Variants in RASGRF2 observed in about 807,000 individuals in gnomAD.
RASGRF2 encodes the protein ras-specific guanine nucleotide-releasing factor 2.
RASGRF2 carries 76 observed loss-of-function variants against 151.0 expected under a neutral mutation model. That is an observed-to-expected ratio of 0.50 (90% CI 0.42 to 0.61). The LOEUF (loss-of-function observed/expected upper bound fraction) is 0.61. Ranked by LOEUF, RASGRF2 falls within the 20% of genes least tolerant of loss-of-function variation. The pLI, the probability that RASGRF2 is intolerant of heterozygous loss-of-function variation, is 0.00. For missense variants in RASGRF2, 1,148 were observed against 1,564.6 expected, an observed-to-expected ratio of 0.73 and a Z score of 4.49; for synonymous variants, 504 against 566.5, an observed-to-expected ratio of 0.89 and a Z score of 1.57.
chr5:81,087,256 C>A (rs1752263366), intron 9 of RASGRF2: 2 of 703,078 alleles, frequency 2.8e-6, no homozygotes, highest in East Asian at 5.4e-5. Flanking sequence ...GTCGGCCTGG[C>A]CCACGGCCGT....
At chr5:81,147,455 A>G (rs999390291) in intron 17 of RASGRF2, among the ~76,000 whole-genome samples, 1 of 152,236 alleles carries the variant, frequency 6.6e-6, no homozygotes, top group Admixed American at 6.5e-5. Flanking sequence ...ATGCATCATA[A>G]TGAGAAGTGA....
chr5:81,216,348 TACACAC>T (rs10648156), intron 24 of RASGRF2, among the ~76,000 whole-genome samples: 4 of 147,524 alleles, frequency 2.7e-5, no homozygotes, highest in African/African-American at 7.6e-5. Context: ...ATTCCCTTTC[TACACAC>T]ACACACACAC....
chr5:81,028,587 AGGTAGCT>A (rs1463201422), intron 1 of RASGRF2, among the ~76,000 whole-genome samples: 1 of 152,242 alleles, frequency 6.6e-6, no homozygotes, highest in East Asian at 1.9e-4. Context: ...AAACAAAAAC[AGGTAGCT>A]GTGAATCAAG....
chr5:81,080,174 T>C lies in RASGRF2; in HGVS notation c.941T>C (p.Ile314Thr). ...EIFHQGLKAR[I>T]ANWPTLILAD... The stretch of plus-strand genomic sequence containing the variant: ...TTTCATCAAGGACTAAAGGCAAGGA[T>C]AGCAAACTGGCCCACTTTAATTTTA... Residue 314 changes from isoleucine to threonine, a missense_variant, in exon 6 of 27, where the codon ATA (isoleucine) becomes ACA (threonine). Ile to Thr is a moderately conservative substitution (Grantham distance 89). Around this residue, in one of 5 missense-constraint regions of RASGRF2, gnomAD observed 176 missense variants for 309.6 expected, o/e 0.57. Transcript: ENST00000265080. 6.3e-7 allele frequency: 1 copy of C among 1,599,616 alleles called. No homozygotes were observed. Among genetic ancestry groups the C allele is most frequent in the Non-Finnish European group, 8.5e-7 (1 of 1,177,018 alleles).
At chr5:81,020,169 A>T (rs546899049) in intron 1 of RASGRF2, among the ~76,000 whole-genome samples, 1 of 152,148 alleles carries the variant, frequency 6.6e-6, no homozygotes, top group Non-Finnish European at 1.5e-5. Context: ...TCTTTCTGGC[A>T]TGTTATGGTT....
chr5:81,008,227 T>C (rs1749341083), intron 1 of RASGRF2, among the ~76,000 whole-genome samples: 1 of 140,130 alleles, frequency 7.1e-6, no homozygotes, highest in Non-Finnish European at 1.5e-5. Context: ...CTCGGCTCAC[T>C]GCAACCTCCT....
chr5:81,197,408 A>G (rs1044978751), intron 18 of RASGRF2, among the ~76,000 whole-genome samples: 21 of 122,064 alleles, frequency 1.7e-4, no homozygotes, highest in African/African-American at 6.2e-4. Context: ...GTGAGCCGAG[A>G]TTGCGCCACT....
intron 1 of RASGRF2, among the ~76,000 whole-genome samples, chr5:81,004,014 T>C (rs531883637): frequency 4.1e-4 from 62 of 152,318 alleles, no homozygotes; most frequent in African/African-American, 1.4e-3. Flanking sequence ...TGCTAGTCAG[T>C]TGCACATGGT....
intron 15 of RASGRF2, among the ~76,000 whole-genome samples, chr5:81,114,647 T>C (rs10058312): frequency 0.066 from 10,064 of 152,272 alleles, 666 homozygotes; most frequent in African/African-American, 0.17. Context: ...CAGCCCCTGC[T>C]CCTGCCACGC....
intron 2 of RASGRF2, among the ~76,000 whole-genome samples, chr5:81,053,080 C>A (rs1405973477): frequency 6.6e-6 from 1 of 151,934 alleles, no homozygotes; most frequent in African/African-American, 2.4e-5. Context: ...GTGTTAAATT[C>A]TTCCTTTAAT....
chr5:81,118,074 A>G (rs1753207729), intron 15 of RASGRF2, among the ~76,000 whole-genome samples: 1 of 152,192 alleles, frequency 6.6e-6, no homozygotes, highest in East Asian at 1.9e-4. Flanking sequence ...TCTTGTCTGC[A>G]GCTCTCTCAG....
intron 15 of RASGRF2, 142 bp downstream of exon 15, chr5:81,114,062 TAGA>T: frequency 8.6e-7 from 1 of 1,157,792 alleles, no homozygotes; most frequent in Non-Finnish European, 1.2e-6. Context: ...AATGGTTAGT[TAGA>T]AGAGAAAATT....
intron 12 of RASGRF2, among the ~76,000 whole-genome samples, chr5:81,100,806 A>T (rs1317868835): frequency 6.6e-6 from 1 of 152,228 alleles, no homozygotes. Context: ...GTTTTTCGGA[A>T]ATCAAGAGGG....
intron 17 of RASGRF2, among the ~76,000 whole-genome samples, chr5:81,132,708 A>AT (rs1396295741): frequency 6.6e-6 from 1 of 152,204 alleles, no homozygotes; most frequent in Non-Finnish European, 1.5e-5. Context: ...ACTGTGTGAT[A>AT]TTAACAAGAA....
chr5:80,997,413 C>T (rs894911412), intron 1 of RASGRF2: 1 of 152,204 alleles, frequency 6.6e-6, no homozygotes, highest in Non-Finnish European at 1.5e-5. Context: ...AAACAGACCC[C>T]TCTTACAGCA....
At chr5:80,994,140 C>A (rs80069411) in intron 1 of RASGRF2, among the ~76,000 whole-genome samples, 294 of 151,850 alleles carry the variant, frequency 1.9e-3, no homozygotes, top group African/African-American at 6.8e-3. Context: ...CCAGGGCGGG[C>A]GGATCACGAG....
intron 1 of RASGRF2, among the ~76,000 whole-genome samples, chr5:81,041,824 C>T (rs1048903869): frequency 2.0e-5 from 3 of 152,290 alleles, no homozygotes; most frequent in East Asian, 1.9e-4. Flanking sequence ...TTTATCACTG[C>T]GTAAGCTCCC....
chr5:81,163,254 T>G (rs187545340), intron 17 of RASGRF2, among the ~76,000 whole-genome samples: 2 of 152,030 alleles, frequency 1.3e-5, no homozygotes, highest in Non-Finnish European at 2.9e-5. Context: ...GCCTTGATAC[T>G]CCATTTGCAC....
intron 17 of RASGRF2, among the ~76,000 whole-genome samples, chr5:81,161,438 T>C (rs1346144597): frequency 1.3e-5 from 2 of 152,244 alleles, no homozygotes; most frequent in African/African-American, 4.8e-5. Flanking sequence ...AGAGCATTTC[T>C]GAGGTATGAC....
Sources: allele counts gnomAD v4.1 joint callset (sites outside exome capture counted in the v4.1 genomes callset), GRCh38; gene constraint gnomAD v4.1.1; regional missense constraint gnomAD v4.1.1; transcripts MANE v1.5; gene names NCBI Gene and HGNC (gene_info 2026-07-23, HGNC 2026-07-21).